RABGAP1L: variants seen among roughly 807,000 people sequenced by gnomAD.
The protein encoded by RABGAP1L is RAB GTPase activating protein 1 like, also known as rab GTPase-activating protein 1-like.
A neutral mutation model predicts 137.7 loss-of-function variants in RABGAP1L; 63 were observed. That is an observed-to-expected ratio of 0.46 (90% CI 0.37 to 0.56). RABGAP1L has a LOEUF of 0.56. Among genes scored for constraint, RABGAP1L ranks in the 20% least tolerant of loss-of-function variants. The pLI, the probability that RABGAP1L is intolerant of heterozygous loss-of-function variation, is 0.00. For synonymous variants in RABGAP1L, 431 were observed against 433.7 expected, an observed-to-expected ratio of 0.99 and a Z score of 0.08; for missense variants, 1,095 against 1,244.0, an observed-to-expected ratio of 0.88 and a Z score of 1.80.
At chr1:174,731,941 A>G (rs1682509806) in intron 17 of RABGAP1L, among the ~76,000 whole-genome samples, 1 of 152,240 alleles carries the variant, frequency 6.6e-6, no homozygotes, top group African/African-American at 2.4e-5. Context: ...GGTGGTTCAC[A>G]CCTGTAATCC....
intron 17 of RABGAP1L, among the ~76,000 whole-genome samples, chr1:174,740,822 A>ATTCT: frequency 6.6e-6 from 1 of 152,094 alleles, no homozygotes; most frequent in South Asian, 2.1e-4. Flanking sequence ...ATGATTCATG[A>ATTCT]GGTTGAACAT....
intron 19 of RABGAP1L, among the ~76,000 whole-genome samples, chr1:174,884,288 C>A (rs528586986): frequency 6.6e-6 from 1 of 152,314 alleles, no homozygotes; most frequent in South Asian, 2.1e-4. Context: ...TCTGTAATTA[C>A]TTCCTCCTTA....
At chr1:174,620,597 A>G (rs1026696035) in intron 13 of RABGAP1L, among the ~76,000 whole-genome samples, 12 of 152,200 alleles carry the variant, frequency 7.9e-5, no homozygotes, top group African/African-American at 2.9e-4. Flanking sequence ...GAGAACAAAG[A>G]CACAACGTAC....
At chr1:174,898,928 A>G (rs1657679566) in intron 19 of RABGAP1L, among the ~76,000 whole-genome samples, 1 of 152,182 alleles carries the variant, frequency 6.6e-6, no homozygotes, top group Admixed American at 6.5e-5. Flanking sequence ...CACATATTCA[A>G]AAAAAGGGTA....
intron 17 of RABGAP1L, among the ~76,000 whole-genome samples, chr1:174,721,639 A>T (rs941895073): frequency 6.6e-6 from 1 of 152,214 alleles, no homozygotes; most frequent in Non-Finnish European, 1.5e-5. Context: ...ATTTTATTTC[A>T]TGAAGATTTA....
intron 7 of RABGAP1L, among the ~76,000 whole-genome samples, chr1:174,259,598 C>T (rs1673407497): frequency 6.6e-6 from 1 of 152,104 alleles, no homozygotes. Flanking sequence ...CTGCACATTG[C>T]ACCAATAAAA....
intron 13 of RABGAP1L, among the ~76,000 whole-genome samples, chr1:174,515,943 C>T (rs556789717): frequency 7.2e-5 from 11 of 151,968 alleles, no homozygotes; most frequent in African/African-American, 1.4e-4. Context: ...TCTTAGGTAC[C>T]GGCTAATTAT....
At chr1:174,765,556 T>C (rs1194832271) in intron 18 of RABGAP1L, among the ~76,000 whole-genome samples, 2 of 151,978 alleles carry the variant, frequency 1.3e-5, no homozygotes, top group African/African-American at 4.8e-5. Flanking sequence ...TACATCAGAC[T>C]CCCAAGTAGC....
chr1:174,567,213 C>G (rs1293253047), intron 13 of RABGAP1L, among the ~76,000 whole-genome samples: 1 of 152,088 alleles, frequency 6.6e-6, no homozygotes, highest in Non-Finnish European at 1.5e-5. Flanking sequence ...GTAACCTACT[C>G]TACTTTGTCT....
intron 19 of RABGAP1L, among the ~76,000 whole-genome samples, chr1:174,876,903 A>G (rs142303426): frequency 0.024 from 3,630 of 151,772 alleles, 57 homozygotes; most frequent in Non-Finnish European, 0.035. Flanking sequence ...TTTTTTTTTC[A>G]GACTTCAGGA....
At chr1:174,967,493 A>G (rs1363380094) in intron 20 of RABGAP1L, among the ~76,000 whole-genome samples, 1 of 151,982 alleles carries the variant, frequency 6.6e-6, no homozygotes, top group Non-Finnish European at 1.5e-5. Context: ...GTGTATCACC[A>G]CACCCATCTA....
At chr1:174,258,873 G>A (rs949879588) in intron 7 of RABGAP1L, among the ~76,000 whole-genome samples, 1 of 151,812 alleles carries the variant, frequency 6.6e-6, no homozygotes, top group African/African-American at 2.4e-5. Flanking sequence ...GAACTCCTGG[G>A]GTCAGGCTAT....
At chr1:174,220,794 T>A (rs980940974) in intron 2 of RABGAP1L, 178 bp from the exon 3 acceptor site, 1 of 442,068 alleles carries the variant, frequency 2.3e-6, no homozygotes, top group Non-Finnish European at 3.8e-6. Context: ...TTCCTCTAAT[T>A]TAGTTTTATA....
intron 18 of RABGAP1L, among the ~76,000 whole-genome samples, chr1:174,780,429 T>A (rs909777438): frequency 2.6e-5 from 4 of 152,090 alleles, no homozygotes; most frequent in Admixed American, 2.0e-4. Context: ...AAATCTCATG[T>A]TTTTCAAGTC....
chr1:174,439,169 C>T (rs926078781), intron 13 of RABGAP1L, among the ~76,000 whole-genome samples: 1 of 151,474 alleles, frequency 6.6e-6, no homozygotes, highest in Non-Finnish European at 1.5e-5. Context: ...AATATTTCAC[C>T]ATTAAATATT....
In RABGAP1L at chr1:174,345,055, A is replaced by G. The variant is rs192511421; in HGVS notation, c.1466-25924A>G. On this transcript the variant is annotated intron_variant, in intron 11 of 25. Transcript: ENST00000681986. ...TATTGAAGAGACTGTCCTTTCTTCA[A>G]TGTATGTTCTTGGCACCTTTGTCAA... 2.1e-3 allele frequency among the ~76,000 whole-genome samples: 315 copies of G among 152,226 alleles called. 2 individuals carry two copies. The highest frequency in any genetic ancestry group is 6.6e-3 in the African/African-American group (276 of 41,540).
At chr1:174,693,630 A>G (rs1373220245) in intron 15 of RABGAP1L, among the ~76,000 whole-genome samples, 1 of 151,970 alleles carries the variant, frequency 6.6e-6, no homozygotes, top group Non-Finnish European at 1.5e-5. Context: ...TTATTTACTC[A>G]TTCATTCAAT....
At chr1:174,584,390 T>C (rs946956638) in intron 13 of RABGAP1L, among the ~76,000 whole-genome samples, 3 of 152,176 alleles carry the variant, frequency 2.0e-5, no homozygotes, top group Admixed American at 6.6e-5. Flanking sequence ...AGTGATAGGA[T>C]CAGTCCTTGT....
chr1:174,214,591 C>T (rs867879641), intron 1 of RABGAP1L, among the ~76,000 whole-genome samples: 2 of 152,198 alleles, frequency 1.3e-5, no homozygotes, highest in East Asian at 1.9e-4. Context: ...AAATTATGCT[C>T]CATAGCTATA....
Sources: allele counts gnomAD v4.1 joint callset (sites outside exome capture counted in the v4.1 genomes callset), GRCh38; gene constraint gnomAD v4.1.1; transcripts MANE v1.5; gene names NCBI Gene and HGNC (gene_info 2026-07-23, HGNC 2026-07-21).